Variants in PCSK5 observed in about 807,000 individuals in gnomAD.
The protein encoded by PCSK5 is prohormone convertase 5.
A neutral mutation model predicts 233.2 loss-of-function variants in PCSK5; 129 were observed. That is an observed-to-expected ratio of 0.55 (90% CI 0.48 to 0.64). The LOEUF (loss-of-function observed/expected upper bound fraction) is 0.64. Ranked by LOEUF, PCSK5 falls within the 30% of genes least tolerant of loss-of-function variation. PCSK5 has a pLI of 0.00. For synonymous variants in PCSK5, 825 were observed against 879.2 expected (o/e 0.94, Z 1.09); for missense variants, 2,076 against 2,430.1 (o/e 0.85, Z 3.06).
At chr9:76,046,996 G>A (rs1014187419) in intron 5 of PCSK5, among the ~76,000 whole-genome samples, 1 of 152,212 alleles carries the variant, frequency 6.6e-6, no homozygotes, top group Non-Finnish European at 1.5e-5. Flanking sequence ...TTCCAGCCAT[G>A]GACTGCCCCT....
Position 76,249,785 on chromosome 9 carries a change from A to G in PCSK5, c.3142+9101A>G, listed in dbSNP as rs140357113. Among the ~76,000 whole-genome samples the G allele has an allele frequency of 3.3e-5, 5 of 152,346 alleles. No individual in the cohort carries two copies. The East Asian group carries it at 9.6e-4, about 29-fold the overall frequency. On this transcript the variant is annotated intron_variant, in intron 24 of 37. Transcript: ENST00000674117. ...AAAGGAAAAAATCCACAATGATGGA[A>G]ATATGTCAAAGGGACACAAGAGCCA... is the stretch of plus-strand genomic sequence containing the variant.
intron 2 of PCSK5, among the ~76,000 whole-genome samples, chr9:75,945,289 C>T (rs929469809): frequency 3.3e-5 from 5 of 152,052 alleles, no homozygotes; most frequent in Admixed American, 2.6e-4. Context: ...CAGGGAATGG[C>T]ACCATGATTT....
chr9:76,290,520 TG>T (rs1828245483), intron 24 of PCSK5, among the ~76,000 whole-genome samples: 1 of 152,230 alleles, frequency 6.6e-6, no homozygotes, highest in African/African-American at 2.4e-5. Flanking sequence ...TTGGCTGTCT[TG>T]GCTCTTGTTC....
intron 12 of PCSK5, among the ~76,000 whole-genome samples, chr9:76,169,075 A>G (rs1309031747): frequency 6.6e-6 from 1 of 152,178 alleles, no homozygotes; most frequent in Non-Finnish European, 1.5e-5. Context: ...ATATACAGTC[A>G]TCCATTTTCA....
chr9:76,044,982 G>A (rs746165905), intron 5 of PCSK5, among the ~76,000 whole-genome samples: 28 of 151,964 alleles, frequency 1.8e-4, no homozygotes, highest in Non-Finnish European at 2.5e-4. Flanking sequence ...AAATCTTCTC[G>A]CAAAAACAGA....
At chr9:76,132,780 G>A (rs532312006) in intron 9 of PCSK5, among the ~76,000 whole-genome samples, 128 of 152,158 alleles carry the variant, frequency 8.4e-4, no homozygotes, top group African/African-American at 3.1e-3. Context: ...CATGTTCTAA[G>A]TAGGAATACT....
rs757550088 is a variant in PCSK5, at chr9:76,040,325, GTCTCTCTCTCTCTCTCTCTCTCTC to G, written c.632+13324_632+13347del. On this transcript the variant is annotated intron_variant, in intron 5 of 37. Transcript: ENST00000674117. Reference sequence around the variant, plus strand: ...TCTCACTCCCTTAGATGTGTTCTCTGTCTCTCTCTCTCTCTCTCTCTCTCTCTCTCTCTCTCTCTCTCTCTCTCT... The same window carrying G: ...TCTCACTCCCTTAGATGTGTTCTCTGTCTCTCTCTCTCTCTCTCTCTCTCT... Among the ~76,000 whole-genome samples the G allele has an allele frequency of 7.7e-3, 609 of 79,048 alleles. 5 individuals are homozygous for G. The highest frequency in any genetic ancestry group is 0.013 in the Admixed American group (78 of 5,996). The allele number at this position is 79,048 out of a possible 152,430, so 51.9% of individuals were successfully genotyped here. A position where few individuals can be genotyped will look rare whatever the true frequency, so the allele number is the denominator to read the frequency against.
At position 76,360,727 on chromosome 9, in the gene PCSK5, A is replaced by C. The variant is rs1332623285; in HGVS notation, c.*1805A>C. 6.6e-6 allele frequency: 1 copy of C among 152,162 alleles called. No homozygotes were observed. The highest frequency in any genetic ancestry group is 2.4e-5 in the African/African-American group (1 of 41,434). 9.4% of individuals were successfully genotyped at this position (152,162 alleles called of 1,614,324 possible). A position where few individuals can be genotyped will look rare whatever the true frequency, so the allele number is the denominator to read the frequency against. On this transcript the variant is annotated 3_prime_UTR_variant, in exon 38 of 38. Transcript: ENST00000674117. ...TGGCCAGAAAGTCTCTGTCATAACC[A>C]CTCAGCTCTGCTATTATAGCATGAA... is the stretch of plus-strand genomic sequence containing the variant.
chr9:76,332,610 G>T lies in PCSK5; in HGVS notation c.4748G>T (p.Gly1583Val). 6.4e-7 allele frequency: 1 copy of T among 1,570,454 alleles called. No homozygotes were observed. Among genetic ancestry groups the T allele is most frequent in the Middle Eastern group, 1.7e-4 (1 of 6,012 alleles). The change falls in exon 34 of 38, where the codon GGA (glycine) becomes GTA (valine). Residue 1583 changes from glycine to valine, a missense_variant and splice_region_variant. Physicochemically the swap from Gly to Val is moderately radical, Grantham distance 109. Transcript: ENST00000674117. ...GAGTGCCTGCTCCAGTGCAGGGAAG[G>T]GTAAGTGCTCAATACATTTTCCCCC... ...GKECLLQCRE[G>V]YYADNSTGRC...
intron 2 of PCSK5, among the ~76,000 whole-genome samples, chr9:75,957,023 T>C (rs980498738): frequency 6.6e-6 from 1 of 151,924 alleles, no homozygotes; most frequent in Non-Finnish European, 1.5e-5. Flanking sequence ...AGAGGGAAAA[T>C]TCATAGAAGA....
chr9:76,299,251 G>A (rs1438854221), intron 27 of PCSK5, among the ~76,000 whole-genome samples: 6 of 152,104 alleles, frequency 3.9e-5, no homozygotes, highest in East Asian at 1.9e-4. Flanking sequence ...GATTGTGCTC[G>A]ACTCTCTGTT....
At chr9:76,294,236 G>T (rs1317132178) in intron 25 of PCSK5, among the ~76,000 whole-genome samples, 2 of 151,402 alleles carry the variant, frequency 1.3e-5, no homozygotes, top group Non-Finnish European at 2.9e-5. Context: ...GATATGCAAA[G>T]GTTTCCCCTG....
Position 76,193,385 on chromosome 9 carries a change from C to CTT in PCSK5, c.2626+3640_2626+3641dup, listed in dbSNP as rs763936357. The CTT allele has an allele frequency of 2.1e-6, 3 of 1,396,664 alleles. No homozygotes were observed. In the East Asian group the frequency reaches 7.2e-5, roughly 34 times the overall value. 86.5% of individuals were successfully genotyped at this position (1,396,664 alleles called of 1,614,324 possible). Reference sequence around the variant, plus strand: ...TCTTAGATTTCTTTGTTCCTGTAGACTTATAGATTATTCCATATTATTAAA... The same window carrying CTT: ...TCTTAGATTTCTTTGTTCCTGTAGACTTTTATAGATTATTCCATATTATTAAA... On this transcript the variant is annotated intron_variant, in intron 20 of 37. Coordinates refer to ENST00000674117, the MANE Select transcript of PCSK5 (RefSeq NM_001372043.1).
In PCSK5 at chr9:75,939,880, G is replaced by A. The variant is rs368591894; in HGVS notation, c.297+7397G>A. On this transcript the variant is annotated intron_variant, in intron 2 of 37. Transcript: ENST00000674117. ...AGACTAAGACAGTGTCACTCCCTCC[G>A]ATGAGTAAGCAATGGGCATCTCCCA... Among the ~76,000 whole-genome samples, 10 of 152,186 alleles carry A rather than the reference G, an allele frequency of 6.6e-5. No homozygotes were observed. In the East Asian group the frequency reaches 9.7e-4, roughly 15 times the overall value.
chr9:76,311,406 TG>T (rs919837912), intron 30 of PCSK5, among the ~76,000 whole-genome samples: 11 of 152,022 alleles, frequency 7.2e-5, no homozygotes, highest in African/African-American at 2.4e-4. Flanking sequence ...ACTGATGTCA[TG>T]TTTTTTTTCC....
intron 5 of PCSK5, among the ~76,000 whole-genome samples, chr9:76,054,349 TA>T (rs921322769): frequency 6.6e-6 from 1 of 152,234 alleles, no homozygotes; most frequent in African/African-American, 2.4e-5. Flanking sequence ...TATTTTCTGA[TA>T]AACCAAGCTA....
rs566715148 is a variant in PCSK5, at chr9:76,090,093, A to G, written c.895-5797A>G. 8.1e-4 allele frequency among the ~76,000 whole-genome samples: 124 copies of G among 152,206 alleles called. 3 individuals carry two copies. The South Asian group carries it at 0.025, about 30-fold the overall frequency. ...TTGAAGAGATTTTTCTTTTTTTGCC[A>G]TGCAAAGCCATATTTAAATAGCCAA... On this transcript the variant is annotated intron_variant, in intron 7 of 37. Coordinates refer to ENST00000674117, the MANE Select transcript of PCSK5 (RefSeq NM_001372043.1).
At chr9:76,334,527 T>C (rs1023213158) in intron 34 of PCSK5, among the ~76,000 whole-genome samples, 2 of 152,062 alleles carry the variant, frequency 1.3e-5, no homozygotes, top group South Asian at 2.1e-4. Context: ...GGTTAGGAGT[T>C]TGAGACCAGC....
chr9:76,164,167 A>C (rs2131830200), intron 12 of PCSK5, among the ~76,000 whole-genome samples: 1 of 152,296 alleles, frequency 6.6e-6, no homozygotes, highest in East Asian at 1.9e-4. Flanking sequence ...GACATTTGTA[A>C]GGCATCATGG....
Sources: gnomAD v4.1 joint callset for allele counts (sites outside exome capture counted in the v4.1 genomes callset) on GRCh38, gnomAD v4.1.1 for gene constraint, MANE v1.5 for transcripts, NCBI Gene and HGNC (gene_info 2026-07-23, HGNC 2026-07-21) for gene names.